MYBL2: variants seen among roughly 807,000 people sequenced by gnomAD.
The protein encoded by MYBL2 is myb-related protein B.
In MYBL2, 28 loss-of-function variants were observed where a neutral mutation model predicts 79.9. The ratio of observed to expected loss-of-function variants is 0.35; its 90% CI spans 0.26 to 0.48. The LOEUF is 0.48. Ranked by LOEUF, MYBL2 falls within the 20% of genes least tolerant of loss-of-function variation. The probability of loss-of-function intolerance (pLI) is 0.99; values close to 1 mark genes in which losing one functional copy is unlikely to be tolerated. For missense variants in MYBL2, 735 were observed against 893.9 expected, an observed-to-expected ratio of 0.82 and a Z score of 2.27; for synonymous variants, 378 against 361.2, an observed-to-expected ratio of 1.05 and a Z score of -0.53.
In MYBL2 at chr20:43,677,142, C is replaced by G. The variant is rs1438639074; in HGVS notation, c.114+3243C>G. On this transcript the variant is annotated intron_variant, in intron 2 of 13. Transcript: ENST00000217026. ...GCGTGCTAAGCAAACCTTTTCTGCT[C>G]ATCCTGTTGTGGACCAGGGACTATA... Among the ~76,000 whole-genome samples, 455 of 152,304 alleles carry G rather than the reference C, an allele frequency of 3.0e-3. 8 individuals are homozygous for G. The highest frequency in any genetic ancestry group is 0.024 in the Middle Eastern group (7 of 294).
intron 7 of MYBL2, 93 bp downstream of exon 7, chr20:43,700,137 G>T: frequency 6.8e-7 from 1 of 1,480,336 alleles, no homozygotes; most frequent in Non-Finnish European, 9.1e-7. Flanking sequence ...TCATTCCATC[G>T]CCCTGCTAAC....
At chr20:43,670,723 T>C (rs2145704254) in intron 1 of MYBL2, among the ~76,000 whole-genome samples, 1 of 152,220 alleles carries the variant, frequency 6.6e-6, no homozygotes, top group African/African-American at 2.4e-5. Flanking sequence ...ACGGTGAGCT[T>C]TGGAGAACAA....
chr20:43,690,903 C>G (rs1162016084), intron 5 of MYBL2, among the ~76,000 whole-genome samples: 3 of 152,176 alleles, frequency 2.0e-5, no homozygotes, highest in Non-Finnish European at 2.9e-5. Context: ...CTTCTCACCA[C>G]TATACTTCTA....
At chr20:43,674,161 G>A (rs1299694716) in intron 2 of MYBL2, among the ~76,000 whole-genome samples, 1 of 147,724 alleles carries the variant, frequency 6.8e-6, no homozygotes, top group Non-Finnish European at 1.5e-5. Context: ...CATGTTCTAT[G>A]TCATGGACAT....
At chr20:43,708,922 AG>A (rs1243116475) in intron 9 of MYBL2, among the ~76,000 whole-genome samples, 1 of 152,202 alleles carries the variant, frequency 6.6e-6, no homozygotes, top group African/African-American at 2.4e-5. Context: ...TTCCTTACAG[AG>A]GGGGATCTCT....
At chr20:43,691,172 T>TG (rs1176448471) in intron 5 of MYBL2, among the ~76,000 whole-genome samples, 4 of 152,174 alleles carry the variant, frequency 2.6e-5, no homozygotes, top group Non-Finnish European at 2.9e-5. Context: ...GAACAGGCCT[T>TG]GCATCTGAGG....
At chr20:43,700,585 C>T (rs980905159) in intron 7 of MYBL2, among the ~76,000 whole-genome samples, 8 of 152,168 alleles carry the variant, frequency 5.3e-5, no homozygotes, top group Middle Eastern at 3.4e-3. Context: ...CTGGCTGCAT[C>T]GGCCAGGCCT....
chr20:43,681,258 C>T (rs1987135943), intron 2 of MYBL2, among the ~76,000 whole-genome samples: 1 of 152,166 alleles, frequency 6.6e-6, no homozygotes, highest in African/African-American at 2.4e-5. Flanking sequence ...GTCCGCTCGG[C>T]TCCCTTCCAG....
At chr20:43,678,871 A>C (rs1429022409) in intron 2 of MYBL2, among the ~76,000 whole-genome samples, 3 of 133,030 alleles carry the variant, frequency 2.3e-5, no homozygotes, top group Non-Finnish European at 4.6e-5. Context: ...AAAAAAAAAA[A>C]AAAGAAAAAA....
intron 4 of MYBL2, among the ~76,000 whole-genome samples, chr20:43,684,352 T>C (rs1367621585): frequency 6.6e-6 from 1 of 151,916 alleles, no homozygotes. Context: ...ATTCTCTGCC[T>C]CAGCCTCCTG....
chr20:43,668,344 G>A (rs1327296182), intron 1 of MYBL2, among the ~76,000 whole-genome samples: 1 of 151,850 alleles, frequency 6.6e-6, no homozygotes, highest in African/African-American at 2.4e-5. Flanking sequence ...GGGACTTCAG[G>A]CACGTGTCAC....
rs554132993 is a variant in MYBL2 at position 43,699,668 on chromosome 20, C to T, written c.664-89C>T. 2.9e-6 allele frequency: 4 copies of T among 1,399,938 alleles called. No individual in the cohort carries two copies. The East Asian group carries it at 9.2e-5, about 32-fold the overall frequency. 86.7% of individuals were successfully genotyped at this position (1,399,938 alleles called of 1,614,324 possible). ...TATTTGGGTTCATCACAGTTTCCTT[C>T]TTAGATTCAGGTTGTGTGGTTTAGC... On this transcript the variant is annotated intron_variant, in intron 6 of 13. Transcript: ENST00000217026.
Position 43,681,852 on chromosome 20 carries a change from C to T in MYBL2, c.183C>T (p.Phe61=), listed in dbSNP as rs1428725621. 1 of 1,614,202 alleles carries T rather than the reference C, an allele frequency of 6.2e-7. No individual in the cohort carries two copies. Among genetic ancestry groups the T allele is most frequent in the Admixed American group, 1.7e-5 (1 of 60,020 alleles). Residue 61 remains phenylalanine (F), a synonymous_variant, in exon 3 of 14, where the codon TTC becomes TTT. Transcript: ENST00000217026. ...QQDWKFLASH[F]PNRTDQQCQY... The stretch of plus-strand genomic sequence containing the variant: ...ACTGGAAGTTCCTGGCCAGCCACTT[C>T]CCTGTGAGTACAGTCCTGCTGTGGC...
intron 12 of MYBL2, among the ~76,000 whole-genome samples, chr20:43,714,433 CCA>C (rs1464729654): frequency 2.6e-4 from 39 of 152,176 alleles, no homozygotes; most frequent in Non-Finnish European, 5.1e-4. Context: ...CAGTGATACT[CCA>C]CATTTATTGA....
intron 11 of MYBL2, among the ~76,000 whole-genome samples, chr20:43,711,924 G>A (rs534324791): frequency 6.6e-6 from 1 of 152,164 alleles, no homozygotes; most frequent in South Asian, 2.1e-4. Context: ...TAGTGTTCAG[G>A]GGGCAGAGAC....
chr20:43,677,832 T>C (rs1343347986), intron 2 of MYBL2, among the ~76,000 whole-genome samples: 3 of 152,300 alleles, frequency 2.0e-5, no homozygotes, highest in Middle Eastern at 3.4e-3. Context: ...GAACGGGCCA[T>C]GATGACAATG....
At chr20:43,692,512 C>T (rs1234607256) in intron 6 of MYBL2, among the ~76,000 whole-genome samples, 193 bp downstream of exon 6, 1 of 152,198 alleles carries the variant, frequency 6.6e-6, no homozygotes, top group East Asian at 1.9e-4. Flanking sequence ...GATAGCAGAG[C>T]AAGCTGATTA....
chr20:43,701,324 A>G (rs285167), intron 7 of MYBL2, among the ~76,000 whole-genome samples: 141,871 of 152,312 alleles, frequency 0.93, 66,227 homozygotes, highest in African/African-American at 0.97. Flanking sequence ...TCCTCCCTGA[A>G]TTGGGGTGTG....
intron 12 of MYBL2, among the ~76,000 whole-genome samples, chr20:43,714,265 G>A (rs796722580): frequency 6.6e-6 from 1 of 152,122 alleles, no homozygotes; most frequent in Non-Finnish European, 1.5e-5. Context: ...GCGTGGGAGG[G>A]GCTTTGTGCA....
Sources: allele counts gnomAD v4.1 joint callset (sites outside exome capture counted in the v4.1 genomes callset), GRCh38; gene constraint gnomAD v4.1.1; transcripts MANE v1.5; gene names NCBI Gene and HGNC (gene_info 2026-07-23, HGNC 2026-07-21).